Variants in DAB1 observed in about 807,000 individuals in gnomAD.
DAB1 encodes disabled homolog 1.
In DAB1, 15 loss-of-function variants were observed where a neutral mutation model predicts 64.6. The ratio of observed to expected loss-of-function variants is 0.23; its 90% confidence interval spans 0.16 to 0.36. The LOEUF is 0.36. DAB1 is among the 10% of genes least tolerant of loss of function. The pLI is 1.00. For synonymous variants in DAB1, 235 were observed against 251.9 expected (o/e 0.93, Z 0.64); for missense variants, 596 against 706.7 (o/e 0.84, Z 1.78).
intron 1 of DAB1, among the ~76,000 whole-genome samples, chr1:57,340,664 TG>T (rs66744521): frequency 0.51 from 77,572 of 152,016 alleles, 20,529 homozygotes; most frequent in Non-Finnish European, 0.56. Context: ...TAACATTTAT[TG>T]AGTATCAGTC....
chr1:57,494,483 G>C (rs1644205805), intron 7 of DAB1, among the ~76,000 whole-genome samples: 1 of 149,418 alleles, frequency 6.7e-6, no homozygotes. Context: ...CCTCTCTTCT[G>C]CATCTCCTTC....
intron 2 of DAB1, among the ~76,000 whole-genome samples, chr1:57,192,016 G>A (rs1664174961): frequency 6.6e-6 from 1 of 152,068 alleles, no homozygotes; most frequent in South Asian, 2.1e-4. Context: ...CAGCACAGTG[G>A]TTAAGAGTAG....
At chr1:57,404,114 A>G (rs911467288) in intron 1 of DAB1, among the ~76,000 whole-genome samples, 3 of 152,210 alleles carry the variant, frequency 2.0e-5, no homozygotes, top group Non-Finnish European at 2.9e-5. Context: ...AAAAAAATTA[A>G]CAATGACTTT....
chr1:57,777,065 C>T (rs1468116907), intron 6 of DAB1, among the ~76,000 whole-genome samples: 1 of 145,838 alleles, frequency 6.9e-6, no homozygotes, highest in Non-Finnish European at 1.5e-5. Flanking sequence ...TGGAAGAAAA[C>T]TTTCACAGGA....
intron 5 of DAB1, among the ~76,000 whole-genome samples, chr1:57,940,442 G>A (rs901070758): frequency 1.3e-5 from 2 of 152,238 alleles, no homozygotes; most frequent in Non-Finnish European, 2.9e-5. Context: ...GCAGGGCAGA[G>A]GTTCAAATAA....
At chr1:57,503,222 C>T (rs1022354172) in intron 7 of DAB1, among the ~76,000 whole-genome samples, 10 of 152,228 alleles carry the variant, frequency 6.6e-5, no homozygotes, top group African/African-American at 2.4e-4. Flanking sequence ...TGTAGCCAAA[C>T]TCATGATCTT....
intron 5 of DAB1, among the ~76,000 whole-genome samples, chr1:57,987,933 C>T (rs1400628660): frequency 1.3e-5 from 2 of 151,574 alleles, no homozygotes; most frequent in African/African-American, 2.4e-5. Context: ...GGGATGCGAT[C>T]GCATGCCTGG....
intron 4 of DAB1, among the ~76,000 whole-genome samples, chr1:58,191,560 G>A (rs114099727): frequency 0.014 from 2,206 of 152,256 alleles, 53 homozygotes; most frequent in South Asian, 0.099. Flanking sequence ...CTGGCTAACC[G>A]TGAAGCTGGA....
At chr1:58,485,643 AG>A (rs1645564315) in intron 3 of DAB1, among the ~76,000 whole-genome samples, 1 of 151,570 alleles carries the variant, frequency 6.6e-6, no homozygotes, top group South Asian at 2.1e-4. Context: ...TATATATTTC[AG>A]GGCGCCAATG....
upstream of DAB1, chr1:57,424,124 C>A (rs1312168974): frequency 6.7e-6 from 1 of 149,942 alleles, no homozygotes; most frequent in African/African-American, 2.4e-5. Flanking sequence ...CCCGCGCGGA[C>A]CCGCCTCCTC....
intron 7 of DAB1, among the ~76,000 whole-genome samples, chr1:57,611,836 T>C (rs1021450147): frequency 7.9e-5 from 12 of 152,226 alleles, no homozygotes; most frequent in Non-Finnish European, 1.3e-4. Context: ...TTAATCAAGA[T>C]ACCTCATTCC....
chr1:57,375,504 G>A (rs796117859), intron 1 of DAB1, among the ~76,000 whole-genome samples: 13 of 152,242 alleles, frequency 8.5e-5, no homozygotes, highest in Admixed American at 2.6e-4. Context: ...GCTCTTTTAC[G>A]TAGATTAAAG....
intron 6 of DAB1, among the ~76,000 whole-genome samples, chr1:57,741,227 C>A (rs1463236167): frequency 6.6e-6 from 1 of 152,184 alleles, no homozygotes; most frequent in East Asian, 1.9e-4. Context: ...AATAAATCTT[C>A]TGTTTCCTCT....
chr1:57,181,127 A>G (rs1198417195), intron 2 of DAB1, among the ~76,000 whole-genome samples: 1 of 152,202 alleles, frequency 6.6e-6, no homozygotes. Flanking sequence ...ACCCGGTGCT[A>G]TGCATGTAGT....
chr1:58,048,828 G>A, intron 5 of DAB1: 1 of 1,037,428 alleles, frequency 9.6e-7, no homozygotes, highest in Non-Finnish European at 1.5e-6. Context: ...CGGAATCATG[G>A]TTGTCAAAGG....
intron 3 of DAB1, among the ~76,000 whole-genome samples, chr1:58,367,284 C>T (rs919052256): frequency 6.6e-6 from 1 of 152,198 alleles, no homozygotes; most frequent in African/African-American, 2.4e-5. Context: ...AATAGCACTA[C>T]TTACTTGGAT....
chr1:57,962,076 A>G (rs1645538566), intron 5 of DAB1, among the ~76,000 whole-genome samples: 1 of 152,160 alleles, frequency 6.6e-6, no homozygotes, highest in African/African-American at 2.4e-5. Flanking sequence ...TTGAGAGTTA[A>G]GAGTAGTTTC....
At chr1:58,484,225 C>T (rs1435159619) in intron 3 of DAB1, among the ~76,000 whole-genome samples, 1 of 152,148 alleles carries the variant, frequency 6.6e-6, no homozygotes, top group Non-Finnish European at 1.5e-5. Flanking sequence ...TAGAATTGTT[C>T]CCACAGTTGT....
At chr1:57,625,758 CAGA>C (rs1307459393) in intron 7 of DAB1, among the ~76,000 whole-genome samples, 1 of 151,922 alleles carries the variant, frequency 6.6e-6, no homozygotes, top group Non-Finnish European at 1.5e-5. Flanking sequence ...AAAAGGAAGA[CAGA>C]AGGAGAGAGT....
Sources: allele counts gnomAD v4.1 joint callset (sites outside exome capture counted in the v4.1 genomes callset), GRCh38; gene constraint gnomAD v4.1.1; transcripts MANE v1.5; gene names NCBI Gene and HGNC (gene_info 2026-07-23, HGNC 2026-07-21).